The following HERC1 variants were observed in gnomAD, a reference collection of about 807,000 sequenced individuals.
The protein encoded by HERC1 is probable E3 ubiquitin-protein ligase HERC1.
In HERC1, 160 loss-of-function variants were observed where a neutral mutation model predicts 554.3. The ratio of observed to expected loss-of-function variants is 0.29; its 90% CI spans 0.25 to 0.33. The LOEUF (loss-of-function observed/expected upper bound fraction) is 0.33. HERC1 is among the 10% of genes least tolerant of loss of function. HERC1 has a pLI of 1.00. For missense variants in HERC1, 4,919 were observed against 5,918.5 expected (o/e 0.83, Z 5.54); for synonymous variants, 2,175 against 2,131.7 (o/e 1.02, Z -0.56).
At chr15:63,780,562 A>T (rs1320547768) in intron 1 of HERC1, 3 of 152,266 alleles carry the variant, frequency 2.0e-5, no homozygotes. Context: ...TCTACTAAAA[A>T]TACAAAAAAA....
At chr15:63,795,793 T>G (rs1358088087) in intron 1 of HERC1, among the ~76,000 whole-genome samples, 4 of 152,234 alleles carry the variant, frequency 2.6e-5, no homozygotes, top group Admixed American at 6.5e-5. Context: ...CAGTTTCCAC[T>G]GGCTGGAACG....
Position 63,626,015 on chromosome 15 carries a change from C to A in HERC1, c.13245G>T (p.Trp4415Cys). Residue 4415 changes from tryptophan to cysteine, a missense_variant, in exon 71 of 78, where the codon TGG becomes TGT. Trp to Cys is a radical substitution (Grantham distance 215). Around this residue, in one of 11 missense-constraint regions of HERC1, gnomAD observed 410 missense variants for 467.0 expected, o/e 0.88. Transcript: ENST00000443617. ...YHFSDLMYSSWRLLNLSPNNQ... is the reference protein window; with the variant it reads ...YHFSDLMYSSCRLLNLSPNNQ... ...TGTTGGGGCTAAGGTTCAGCAGTCT[C>A]CAGGATGAGTACATGAGGTCAGAGA... 1 of 1,611,640 alleles carries A rather than the reference C, an allele frequency of 6.2e-7. No homozygotes were observed. Among genetic ancestry groups the A allele is most frequent in the South Asian group, 1.1e-5 (1 of 90,474 alleles).
chr15:63,755,286 C>T lies in HERC1; in HGVS notation c.1573G>A (p.Ala525Thr), dbSNP rs1219700503. ...CVSAGYRHSA[A>T]VTEDGELYTW... Reference sequence around the variant, plus strand: ...TATAATTCCCCATCCTCTGTGACAGCAGCACTATGTCTGTATCCAGCTGAC... The same window carrying T: ...TATAATTCCCCATCCTCTGTGACAGTAGCACTATGTCTGTATCCAGCTGAC... The change falls in exon 6 of 78, where the codon GCT (alanine) becomes ACT (threonine). Residue 525 changes from alanine to threonine, a missense_variant. By Grantham distance (58) the Ala-to-Thr change is moderately conservative (BLOSUM62 0). This residue lies in a region of HERC1 where 744 missense variants were observed against 1,090.0 expected (regional missense o/e 0.68). Coordinates refer to ENST00000443617, the MANE Select transcript of HERC1 (RefSeq NM_003922.4). 1 of 1,613,892 alleles carries T rather than the reference C, an allele frequency of 6.2e-7. No homozygotes were observed. The highest frequency in any genetic ancestry group is 1.7e-5 in the Admixed American group (1 of 60,022).
At position 63,749,766 on chromosome 15, in the gene HERC1, C is replaced by A; in HGVS notation, c.1928G>T (p.Cys643Phe). The change falls in exon 9 of 78, where the codon TGT becomes TTT. Residue 643 changes from cysteine to phenylalanine, a missense_variant. By Grantham distance (205) the Cys-to-Phe change is radical. Transcript: ENST00000443617. This position sits in a 1 kb window ranked among gnomAD's most constrained non-coding sequence, Gnocchi z 4.1. Reference sequence around the variant, plus strand: ...AGCTTCTGAAGAACCACAACCTAGACAAGCTCCACAGCCCCAAGCATAGAC... The same window carrying A: ...AGCTTCTGAAGAACCACAACCTAGAAAAGCTCCACAGCCCCAAGCATAGAC... The part of the protein sequence containing the change: ...GQVYAWGCGA[C>F]LGCGSSEATA... 1 of 1,577,644 alleles carries A rather than the reference C, an allele frequency of 6.3e-7. No homozygotes were observed. Among genetic ancestry groups the A allele is most frequent in the Non-Finnish European group, 8.6e-7 (1 of 1,160,952 alleles).
intron 60 of HERC1, among the ~76,000 whole-genome samples, chr15:63,640,764 C>T (rs2069012909): frequency 1.3e-5 from 2 of 152,174 alleles, no homozygotes; most frequent in Admixed American, 6.5e-5. Flanking sequence ...ATTAATACTC[C>T]TTTTCTGCTC....
chr15:63,775,097 CTT>C lies in HERC1; in HGVS notation c.525_526del (p.Ser176LeufsTer22). On this transcript the variant is annotated frameshift_variant, in exon 2 of 78. Coordinates refer to ENST00000443617, the MANE Select transcript of HERC1 (RefSeq NM_003922.4). LOFTEE classifies it high-confidence loss of function. The surrounding 1 kb of genome is among the most constrained non-coding windows in gnomAD (Gnocchi z 4.0). ...AGGTCCTGACACAGGCATCATCCAA[CTT>C]TGTCTTAGAAGCGCAAATAATAAAC... The C allele has an allele frequency of 6.2e-7, 1 of 1,614,018 alleles. No homozygotes were observed. The highest frequency in any genetic ancestry group is 8.5e-7 in the Non-Finnish European group (1 of 1,179,890).
At chr15:63,724,052 AATAC>A (rs2073934947) in intron 18 of HERC1, among the ~76,000 whole-genome samples, 1 of 152,230 alleles carries the variant, frequency 6.6e-6, no homozygotes. Flanking sequence ...ACCTTTTTCT[AATAC>A]ATACAAGTAA....
At chr15:63,660,588 C>G (rs1361780196) in intron 46 of HERC1, among the ~76,000 whole-genome samples, 1 of 152,106 alleles carries the variant, frequency 6.6e-6, no homozygotes, top group African/African-American at 2.4e-5. Flanking sequence ...TCTTAGCTGT[C>G]TGTAATCATT....
chr15:63,699,932 A>G (rs1180376106), intron 25 of HERC1, among the ~76,000 whole-genome samples: 2 of 152,180 alleles, frequency 1.3e-5, no homozygotes, highest in Non-Finnish European at 2.9e-5. Context: ...TCGTCATGAC[A>G]TACTCTCATC....
At chr15:63,693,539 T>C (rs756073146) in intron 30 of HERC1, among the ~76,000 whole-genome samples, 3 of 152,302 alleles carry the variant, frequency 2.0e-5, no homozygotes, top group Admixed American at 6.5e-5. Flanking sequence ...CCACTGCGCC[T>C]GGCCTGGGGG....
At chr15:63,657,529 T>C (rs1040529774) in intron 48 of HERC1, among the ~76,000 whole-genome samples, 2 of 152,204 alleles carry the variant, frequency 1.3e-5, no homozygotes, top group African/African-American at 4.8e-5. Context: ...TTACACATTC[T>C]GTTGGTTAGA....
intron 12 of HERC1, among the ~76,000 whole-genome samples, chr15:63,745,243 C>G (rs1319103949): frequency 2.6e-5 from 4 of 152,184 alleles, no homozygotes; most frequent in African/African-American, 9.7e-5. Flanking sequence ...TGAGCCAACA[C>G]TCCCTTGGTT....
In HERC1 at chr15:63,609,576, G is replaced by A. The variant is rs185339628; in HGVS notation, c.14401-310C>T. ...CTACGCACAGCGCCTGGCACAGGAT[G>A]AGAGTGTAGTAAGAGGGCACCTGTC... On this transcript the variant is annotated intron_variant, in intron 77 of 77. Transcript: ENST00000443617. Among the ~76,000 whole-genome samples the A allele has an allele frequency of 2.6e-5, 4 of 152,354 alleles. 1 individual carries two copies. In the East Asian group the frequency reaches 5.8e-4, roughly 22 times the overall value.
intron 1 of HERC1, among the ~76,000 whole-genome samples, chr15:63,828,621 G>A (rs1362656982): frequency 3.3e-5 from 5 of 152,160 alleles, no homozygotes; most frequent in Admixed American, 2.0e-4. Flanking sequence ...TTACAGGCAT[G>A]AGCCACCGCA....
chr15:63,747,102 C>A lies in HERC1; in HGVS notation c.2355-19G>T. ...GTGTTCTCTGAAACCAAATAAACGT[C>A]TATGAATTCTCGGATCATAAAAGTG... On this transcript the variant is annotated intron_variant, in intron 11 of 77. Transcript: ENST00000443617. 2 of 1,582,570 alleles carry A rather than the reference C, an allele frequency of 1.3e-6. No individual in the cohort carries two copies. Among genetic ancestry groups the A allele is most frequent in the Non-Finnish European group, 1.7e-6 (2 of 1,163,908 alleles).
chr15:63,771,458 T>C (rs1159465530), intron 2 of HERC1, among the ~76,000 whole-genome samples: 4 of 148,646 alleles, frequency 2.7e-5, no homozygotes, highest in South Asian at 4.3e-4. Context: ...TTTGAGACAG[T>C]CTTGGTCTGT....
chr15:63,687,227 C>T (rs2071814012), intron 33 of HERC1, among the ~76,000 whole-genome samples: 1 of 152,114 alleles, frequency 6.6e-6, no homozygotes, highest in African/African-American at 2.4e-5. Context: ...ATCAGGATAT[C>T]CCTGCAAGTT....
chr15:63,646,426 C>T (rs1371033491), intron 55 of HERC1, among the ~76,000 whole-genome samples: 1 of 150,096 alleles, frequency 6.7e-6, no homozygotes, highest in Non-Finnish European at 1.5e-5. Flanking sequence ...TGTGCAACAA[C>T]AGAACATTAA....
At chr15:63,667,001 A>G (rs1324141463) in intron 40 of HERC1, among the ~76,000 whole-genome samples, 3 of 152,214 alleles carry the variant, frequency 2.0e-5, no homozygotes, top group Non-Finnish European at 4.4e-5. Flanking sequence ...AATGGCCCCA[A>G]GCATAGTGCT....
Sources: gnomAD v4.1 joint callset for allele counts (sites outside exome capture counted in the v4.1 genomes callset) on GRCh38, gnomAD v4.1.1 for gene constraint, gnomAD v4.1.1 regional missense constraint, Gnocchi (gnomAD v3.1) non-coding constraint, MANE v1.5 for transcripts, NCBI Gene and HGNC (gene_info 2026-07-23, HGNC 2026-07-21) for gene names.